Variants in CSTPP1 observed in about 807,000 individuals in gnomAD.
CSTPP1 encodes the protein centriolar satellite-associated tubulin polyglutamylase complex regulator 1.
chr11:46,993,885 G>A, the CSTPP1 span, among the ~76,000 whole-genome samples: 6 of 152,112 alleles, frequency 3.9e-5, no homozygotes, highest in Admixed American at 3.3e-4. Flanking sequence ...CCATTTTCAC[G>A]ATATTGATTC....
At chr11:47,149,632 T>C in the CSTPP1 span, among the ~76,000 whole-genome samples, 3 of 152,182 alleles carry the variant, frequency 2.0e-5, no homozygotes, top group Non-Finnish European at 4.4e-5. Context: ...AAAGATCCCA[T>C]AGGTGGGTTA....
chr11:47,033,616 C>T, the CSTPP1 span, among the ~76,000 whole-genome samples: 6 of 152,284 alleles, frequency 3.9e-5, no homozygotes, highest in Non-Finnish European at 7.4e-5. Flanking sequence ...TTGGCTCTGT[C>T]GTAAATCCTG....
chr11:47,094,451 G>T, the CSTPP1 span, among the ~76,000 whole-genome samples: 1 of 151,178 alleles, frequency 6.6e-6, no homozygotes, highest in Admixed American at 6.6e-5. Flanking sequence ...TAAGAGGGTA[G>T]ATCTCATGTC....
At chr11:47,159,139 T>C in the CSTPP1 span, among the ~76,000 whole-genome samples, 1 of 152,184 alleles carries the variant, frequency 6.6e-6, no homozygotes, top group South Asian at 2.1e-4. Flanking sequence ...AGTCAGTGCT[T>C]GGGGCATGCA....
At chr11:47,093,598 A>C in the CSTPP1 span, among the ~76,000 whole-genome samples, 3 of 152,208 alleles carry the variant, frequency 2.0e-5, no homozygotes, top group Admixed American at 6.5e-5. Context: ...AACATAGCGT[A>C]ATGGTCAAGA....
the CSTPP1 span, among the ~76,000 whole-genome samples, chr11:47,044,276 C>T: frequency 1.3e-5 from 2 of 152,042 alleles, no homozygotes; most frequent in Non-Finnish European, 2.9e-5. Context: ...TGTGAGCCAC[C>T]GCTCCTGGAC....
chr11:47,052,561 T>C, the CSTPP1 span: 21 of 1,597,632 alleles, frequency 1.3e-5, no homozygotes, highest in Non-Finnish European at 1.7e-5. Flanking sequence ...CTTCCTTCCT[T>C]CCTTTCTTCC....
At chr11:47,046,216 G>A in the CSTPP1 span, among the ~76,000 whole-genome samples, 1 of 150,872 alleles carries the variant, frequency 6.6e-6, no homozygotes, top group Non-Finnish European at 1.5e-5. Flanking sequence ...GAAAGTAAAA[G>A]GTAAAACTAT....
the CSTPP1 span, among the ~76,000 whole-genome samples, chr11:47,062,967 A>C: frequency 6.6e-6 from 1 of 152,202 alleles, no homozygotes; most frequent in Non-Finnish European, 1.5e-5. Flanking sequence ...ATTTACCACC[A>C]ACCCAAGCTG....
the CSTPP1 span, among the ~76,000 whole-genome samples, chr11:47,118,705 A>G: frequency 6.6e-6 from 1 of 152,060 alleles, no homozygotes; most frequent in African/African-American, 2.4e-5. Context: ...TCTAACAGTC[A>G]GGTCCCTCAG....
the CSTPP1 span, among the ~76,000 whole-genome samples, chr11:47,096,967 T>A: frequency 6.6e-6 from 1 of 152,256 alleles, no homozygotes; most frequent in Admixed American, 6.5e-5. Flanking sequence ...TACTTAACGA[T>A]AGCCCTTTTG....
At chr11:46,995,815 C>T in the CSTPP1 span, among the ~76,000 whole-genome samples, 1 of 152,142 alleles carries the variant, frequency 6.6e-6, no homozygotes, top group South Asian at 2.1e-4. Flanking sequence ...GAGCTGAGTT[C>T]AATTCCTGGA....
the CSTPP1 span, among the ~76,000 whole-genome samples, chr11:47,117,855 G>A: frequency 2.2e-5 from 3 of 139,392 alleles, no homozygotes; most frequent in Admixed American, 1.4e-4. Flanking sequence ...CTCTAACCTT[G>A]TCTTCTCGCT....
At chr11:46,946,181 C>G in the CSTPP1 span, among the ~76,000 whole-genome samples, 2 of 152,188 alleles carry the variant, frequency 1.3e-5, no homozygotes, top group Non-Finnish European at 2.9e-5. Context: ...CAGTGTTATT[C>G]TGGGGTTTTA....
the CSTPP1 span, among the ~76,000 whole-genome samples, chr11:46,999,222 AATAATAATAAT>A: frequency 6.6e-6 from 1 of 150,914 alleles, no homozygotes; most frequent in African/African-American, 2.4e-5. Flanking sequence ...CTTACATGAT[AATAATAATAAT>A]ATAATAATTA....
the CSTPP1 span, chr11:47,052,241 G>A: frequency 2.0e-6 from 2 of 1,008,148 alleles, no homozygotes; most frequent in South Asian, 3.5e-5. Context: ...CCCATAGAAG[G>A]ACTAGGTCTA....
the CSTPP1 span, chr11:47,161,814 G>A: frequency 1.2e-5 from 17 of 1,404,426 alleles, no homozygotes; most frequent in South Asian, 6.5e-5. Context: ...CAGTGGCCCC[G>A]GAAGGTGAAT....
At chr11:47,155,489 G>C in the CSTPP1 span, 3 of 581,240 alleles carry the variant, frequency 5.2e-6, no homozygotes, top group South Asian at 6.5e-5. Flanking sequence ...GAACACCGCA[G>C]TGTTTTCAGT....
At chr11:47,010,490 A>G in the CSTPP1 span, among the ~76,000 whole-genome samples, 42 of 152,280 alleles carry the variant, frequency 2.8e-4, no homozygotes, top group South Asian at 5.0e-3. Flanking sequence ...TAGTTTCCTG[A>G]TGCTCAGCCT....
Sources: allele counts gnomAD v4.1 joint callset (sites outside exome capture counted in the v4.1 genomes callset), GRCh38; gene constraint gnomAD v4.1.1; transcripts MANE v1.5; gene names NCBI Gene and HGNC (gene_info 2026-07-23, HGNC 2026-07-21).